The following NOL11 variants were observed in gnomAD, a reference collection of about 807,000 sequenced individuals.
NOL11 encodes the protein nucleolar protein 11.
A neutral mutation model predicts 93.0 loss-of-function variants in NOL11; 42 were observed. That is an observed-to-expected ratio of 0.45 (90% CI 0.35 to 0.58). The LOEUF (loss-of-function observed/expected upper bound fraction) is 0.58. Ranked by LOEUF, NOL11 falls within the 20% of genes least tolerant of loss-of-function variation. The probability of loss-of-function intolerance (pLI) is 0.00; values close to 1 mark genes in which losing one functional copy is unlikely to be tolerated. For missense variants in NOL11, 775 were observed against 841.8 expected (o/e 0.92, Z 0.98); for synonymous variants, 296 against 293.7 (o/e 1.01, Z -0.08).
In NOL11 at chr17:67,736,297, C is replaced by CA. The variant is rs1491047645; in HGVS notation, c.1054+286dup. On this transcript the variant is annotated intron_variant, in intron 9 of 17. Coordinates refer to ENST00000253247, the MANE Select transcript of NOL11 (RefSeq NM_015462.5). ...CCTGTACTCCACAGAAAATGGAAAA[C>CA]AAAAAAAAAAAAGTTTGAAACTTGT... 6.8e-5 allele frequency among the ~76,000 whole-genome samples: 10 copies of CA among 147,460 alleles called. No homozygotes were observed. In the South Asian group the frequency reaches 1.9e-3, roughly 28 times the overall value.
chr17:67,730,511 C>A (rs1351386649), intron 7 of NOL11, among the ~76,000 whole-genome samples: 1 of 152,240 alleles, frequency 6.6e-6, no homozygotes, highest in South Asian at 2.1e-4. Flanking sequence ...CCGCCCGCCT[C>A]AGCCTCCCGA....
Position 67,739,518 on chromosome 17 carries a change from G to A in NOL11, c.1845G>A (p.Leu615=). 6.4e-7 allele frequency: 1 copy of A among 1,568,926 alleles called. No homozygotes were observed. ...LKDIPAQHIT[L]FLKYLYFLYL... ...TATCCATTTTTTTTCCCACCCAGCT[G>A]TTTCTTAAGTATTTGTATTTCCTGT... Residue 615 remains leucine (L), a splice_region_variant and synonymous_variant, in exon 16 of 18, where the codon CTG becomes CTA. Transcript: ENST00000253247.
chr17:67,743,597 A>T lies in NOL11; in HGVS notation c.2043+11A>T, dbSNP rs1359534870. On this transcript the variant is annotated intron_variant, in intron 17 of 17. Transcript: ENST00000253247. ...CTTGTAAAATCTCAGGTTTGTGATT[A>T]TTTGATATATACTGATTTTATTTGT... The T allele has an allele frequency of 9.5e-6, 14 of 1,470,372 alleles. No individual in the cohort carries two copies. The highest frequency in any genetic ancestry group is 1.3e-5 in the Non-Finnish European group (14 of 1,056,294). 91.1% of individuals were successfully genotyped at this position (1,470,372 alleles called of 1,614,324 possible).
chr17:67,726,590 C>G lies in NOL11; in HGVS notation c.795C>G (p.Leu265=), dbSNP rs1403342907. The change falls in exon 7 of 18, where the codon CTC becomes CTG. Residue 265 remains leucine, a synonymous_variant. Coordinates refer to ENST00000253247, the MANE Select transcript of NOL11 (RefSeq NM_015462.5). The part of the protein sequence containing the change: ...VSGNARNGVA[L]TALDQDHVAV... The stretch of plus-strand genomic sequence containing the variant: ...GTAACGCTCGAAATGGAGTTGCACT[C>G]ACTGCCCTGGATCAGGATCACGTCG... 1.2e-6 allele frequency: 2 copies of G among 1,613,828 alleles called. No homozygotes were observed. The highest frequency in any genetic ancestry group is 1.7e-6 in the Non-Finnish European group (2 of 1,179,956).
intron 7 of NOL11, 84 bp downstream of exon 7, chr17:67,726,732 C>T (rs1344928918): frequency 1.6e-5 from 18 of 1,103,566 alleles, no homozygotes; most frequent in Non-Finnish European, 1.9e-5. Context: ...TTTTTCATTT[C>T]GTTATTACCC....
At chr17:67,736,437 T>G (rs935822565) in intron 9 of NOL11, 2 of 503,900 alleles carry the variant, frequency 4.0e-6, no homozygotes, top group African/African-American at 4.0e-5. Flanking sequence ...CAGTAATACC[T>G]CTGCCCTCCC....
chr17:67,728,622 A>G (rs1051416964), intron 7 of NOL11, among the ~76,000 whole-genome samples: 3 of 151,696 alleles, frequency 2.0e-5, no homozygotes, highest in Non-Finnish European at 4.4e-5. Context: ...GTCTCTTCCT[A>G]TGGTTTTTTT....
At position 67,737,986 on chromosome 17, in the gene NOL11, C is replaced by T. The variant is rs774415309; in HGVS notation, c.1529+14C>T. 7 of 1,591,720 alleles carry T rather than the reference C, an allele frequency of 4.4e-6. No homozygotes were observed. Among genetic ancestry groups the T allele is most frequent in the South Asian group, 1.1e-5 (1 of 87,612 alleles). ...AATTTTCTTGAGGTAAGTTAGACTC[C>T]AATGGTCCTTTTTCTTCACTACATT... is the stretch of plus-strand genomic sequence containing the variant. On this transcript the variant is annotated intron_variant, in intron 13 of 17. Transcript: ENST00000253247.
intron 7 of NOL11, among the ~76,000 whole-genome samples, chr17:67,729,482 C>T (rs1389746540): frequency 6.6e-6 from 1 of 152,074 alleles, no homozygotes; most frequent in East Asian, 1.9e-4. Flanking sequence ...TAGGCAGTTG[C>T]TCCTCATTCT....
At chr17:67,723,620 C>CTTG (rs2055056613) in intron 5 of NOL11, among the ~76,000 whole-genome samples, 1 of 151,720 alleles carries the variant, frequency 6.6e-6, no homozygotes, top group Admixed American at 6.6e-5. Context: ...AACTCCTGAC[C>CTTG]TTGTGATCCA....
At chr17:67,732,521 T>C (rs1234868195) in intron 7 of NOL11, among the ~76,000 whole-genome samples, 1 of 151,408 alleles carries the variant, frequency 6.6e-6, no homozygotes, top group Non-Finnish European at 1.5e-5. Context: ...TATTCCTAGG[T>C]ATTTTATTCT....
Position 67,737,852 on chromosome 17 carries a change from G to A in NOL11, c.1409G>A (p.Cys470Tyr). 6.2e-7 allele frequency: 1 copy of A among 1,611,066 alleles called. No individual in the cohort carries two copies. The highest frequency in any genetic ancestry group is 8.5e-7 in the Non-Finnish European group (1 of 1,179,256). ...IQTHVLSYSL[C>Y]PDLMEIALKK... ...TTCAGATTTTTTTGTCTTAGTTTGT[G>A]CCCCGACTTAATGGAGATTGCCTTA... is the stretch of plus-strand genomic sequence containing the variant. The change falls in exon 13 of 18, where the codon TGC (cysteine) becomes TAC (tyrosine). Residue 470 changes from cysteine to tyrosine, a missense_variant. Cys to Tyr is a radical substitution (Grantham distance 194). Around this residue, in one of 2 missense-constraint regions of NOL11, gnomAD observed 416 missense variants for 525.2 expected, o/e 0.79. Transcript: ENST00000253247.
chr17:67,720,716 T>G (rs1599034105), intron 3 of NOL11, among the ~76,000 whole-genome samples: 1 of 152,250 alleles, frequency 6.6e-6, no homozygotes, highest in African/African-American at 2.4e-5. Context: ...TTCTTACTTA[T>G]AAAATGAGGA....
At chr17:67,729,911 TGACTTA>T (rs1315384896) in intron 7 of NOL11, among the ~76,000 whole-genome samples, 1 of 152,212 alleles carries the variant, frequency 6.6e-6, no homozygotes, top group African/African-American at 2.4e-5. Context: ...CTGGCTTCTT[TGACTTA>T]GACTTAGCCT....
At chr17:67,732,979 C>T (rs1442469646) in intron 7 of NOL11, among the ~76,000 whole-genome samples, 1 of 152,116 alleles carries the variant, frequency 6.6e-6, no homozygotes, top group Non-Finnish European at 1.5e-5. Context: ...TTTATTAATG[C>T]TATTAATGCT....
rs1599035175 is a variant in NOL11, at chr17:67,722,514, A to T, written c.462-66A>T. 2.0e-5 allele frequency: 30 copies of T among 1,518,216 alleles called. 1 individual carries two copies. In the East Asian group the frequency reaches 7.3e-4, roughly 37 times the overall value. 94.0% of individuals were successfully genotyped at this position (1,518,216 alleles called of 1,614,324 possible). On this transcript the variant is annotated intron_variant, in intron 4 of 17. Transcript: ENST00000253247. ...TAATGAAAACTTTGATTAAATTTTG[A>T]TTGATATGTGTCTCCCAGCTGGTGA...
intron 9 of NOL11, 30 bp from the exon 10 acceptor site, chr17:67,736,636 C>G: frequency 7.0e-7 from 1 of 1,420,664 alleles, no homozygotes; most frequent in Non-Finnish European, 9.8e-7. Context: ...TCAAAACATT[C>G]CAGAAATTGT....
chr17:67,727,003 C>T (rs1024959293), intron 7 of NOL11: 3 of 163,904 alleles, frequency 1.8e-5, no homozygotes, highest in African/African-American at 7.2e-5. Context: ...CATGGAAATC[C>T]ACTGGACATG....
chr17:67,723,750 A>T (rs1397046739), intron 5 of NOL11, among the ~76,000 whole-genome samples: 1 of 151,792 alleles, frequency 6.6e-6, no homozygotes, highest in Non-Finnish European at 1.5e-5. Flanking sequence ...CTATTAAAAA[A>T]AAAAAAATAG....
Sources: allele counts gnomAD v4.1 joint callset (sites outside exome capture counted in the v4.1 genomes callset), GRCh38; gene constraint gnomAD v4.1.1; regional missense constraint gnomAD v4.1.1; transcripts MANE v1.5; gene names NCBI Gene and HGNC (gene_info 2026-07-23, HGNC 2026-07-21).